Variants in CGNL1 observed in about 807,000 individuals in gnomAD.
The protein encoded by CGNL1 is cingulin like 1.
A neutral mutation model predicts 141.2 loss-of-function variants in CGNL1; 132 were observed. The ratio of observed to expected loss-of-function variants is 0.93; its 90% CI spans 0.81 to 1.08. The LOEUF (loss-of-function observed/expected upper bound fraction) is 1.08. Ranked by LOEUF, CGNL1 falls within the 50% of genes least tolerant of loss-of-function variation. The probability of loss-of-function intolerance (pLI) is 0.00; values close to 1 mark genes in which losing one functional copy is unlikely to be tolerated. For synonymous variants in CGNL1, 690 were observed against 622.1 expected (o/e 1.11, Z -1.63); for missense variants, 1,870 against 1,588.6 (o/e 1.18, Z -3.01).
chr15:57,408,463 A>G (rs1567098445), intron 1 of CGNL1, among the ~76,000 whole-genome samples: 1 of 152,168 alleles, frequency 6.6e-6, no homozygotes, highest in African/African-American at 2.4e-5. Flanking sequence ...TTAAGCCCCA[A>G]AGCAAAGTTT....
At chr15:57,541,257 C>T (rs2032548409) in intron 14 of CGNL1, among the ~76,000 whole-genome samples, 1 of 152,192 alleles carries the variant, frequency 6.6e-6, no homozygotes, top group Admixed American at 6.5e-5. Context: ...GGAAATTTAA[C>T]CATGTCCTCA....
intron 8 of CGNL1, among the ~76,000 whole-genome samples, chr15:57,489,465 A>T (rs1450446267): frequency 4.6e-5 from 7 of 152,216 alleles, no homozygotes; most frequent in Admixed American, 2.0e-4. Context: ...AACTTTATAT[A>T]GATAATATTT....
At chr15:57,445,034 G>A (rs932760942) in intron 4 of CGNL1, among the ~76,000 whole-genome samples, 4 of 152,174 alleles carry the variant, frequency 2.6e-5, no homozygotes, top group Non-Finnish European at 5.9e-5. Context: ...GGCTGTGGAG[G>A]GAGGGTTTCT....
chr15:57,516,779 G>A lies in CGNL1; in HGVS notation c.2404-1G>A, dbSNP rs1169853918. On this transcript the variant is annotated splice_acceptor_variant, in intron 8 of 18. Transcript: ENST00000281282. LOFTEE classifies it high-confidence loss of function. The stretch of plus-strand genomic sequence containing the variant: ...GTTCATTTGCTTTGTGTTTTTAACA[G>A]AATGTCGAGGTCTTGGCGAGCAGGA... 6.2e-7 allele frequency: 1 copy of A among 1,613,832 alleles called. No homozygotes were observed. The highest frequency in any genetic ancestry group is 8.5e-7 in the Non-Finnish European group (1 of 1,179,926).
At chr15:57,447,489 T>C (rs776569326) in intron 4 of CGNL1, among the ~76,000 whole-genome samples, 9 of 152,244 alleles carry the variant, frequency 5.9e-5, no homozygotes, top group Non-Finnish European at 1.2e-4. Context: ...CCAGCCATCA[T>C]TCTTAGTGTT....
intron 8 of CGNL1, among the ~76,000 whole-genome samples, chr15:57,462,470 T>C (rs1275732139): frequency 6.6e-6 from 1 of 152,224 alleles, no homozygotes; most frequent in Non-Finnish European, 1.5e-5. Flanking sequence ...TATGCTGAAG[T>C]CTTTTGGGGC....
At chr15:57,419,081 G>A (rs1014055698) in intron 1 of CGNL1, among the ~76,000 whole-genome samples, 11 of 152,096 alleles carry the variant, frequency 7.2e-5, no homozygotes, top group East Asian at 3.9e-4. Flanking sequence ...ACAGGCATGC[G>A]CCACCACGCC....
intron 17 of CGNL1, 54 bp from the exon 18 acceptor site, chr15:57,546,022 G>T: frequency 1.3e-6 from 2 of 1,574,252 alleles, no homozygotes; most frequent in Non-Finnish European, 1.7e-6. Context: ...GGTAAGCTGA[G>T]CGCTGGGGCT....
chr15:57,491,147 A>G (rs1250306073), intron 8 of CGNL1, among the ~76,000 whole-genome samples: 1 of 152,240 alleles, frequency 6.6e-6, no homozygotes, highest in African/African-American at 2.4e-5. Flanking sequence ...ATAATAGATC[A>G]GGATTAGTTC....
intron 8 of CGNL1, among the ~76,000 whole-genome samples, chr15:57,483,624 G>A (rs973603941): frequency 2.6e-5 from 4 of 151,868 alleles, no homozygotes; most frequent in South Asian, 2.1e-4. Flanking sequence ...GCCTTATTAC[G>A]CAGGCTAGAA....
At chr15:57,405,321 G>T (rs1029548933) in intron 1 of CGNL1, 2 of 152,272 alleles carry the variant, frequency 1.3e-5, no homozygotes, top group African/African-American at 4.8e-5. Flanking sequence ...GAGCGGGGCT[G>T]CTTTCTATCT....
chr15:57,412,304 T>G (rs75518865), intron 1 of CGNL1, among the ~76,000 whole-genome samples: 214 of 152,352 alleles, frequency 1.4e-3, no homozygotes, highest in African/African-American at 4.9e-3. Flanking sequence ...CAAGACCTTT[T>G]CTGTACAGAT....
intron 1 of CGNL1, among the ~76,000 whole-genome samples, chr15:57,435,477 AG>A (rs1392512655): frequency 1.6e-4 from 24 of 149,094 alleles, no homozygotes; most frequent in African/African-American, 5.9e-4. Flanking sequence ...TGAAGAATGT[AG>A]GTTTTCACTT....
intron 5 of CGNL1, 29 bp from the exon 6 acceptor site, chr15:57,452,112 C>G (rs749128628): frequency 6.2e-7 from 1 of 1,601,204 alleles, no homozygotes; most frequent in Non-Finnish European, 8.5e-7. Context: ...ACAGTGGAGG[C>G]TCTTTAAAAT....
chr15:57,429,332 C>G (rs2063016956), intron 1 of CGNL1, among the ~76,000 whole-genome samples: 1 of 152,150 alleles, frequency 6.6e-6, no homozygotes, highest in Non-Finnish European at 1.5e-5. Flanking sequence ...TATCATATGT[C>G]AGGGATGGCA....
intron 1 of CGNL1, among the ~76,000 whole-genome samples, chr15:57,405,743 T>C (rs1449815892): frequency 2.0e-3 from 2 of 1,006 alleles, no homozygotes; most frequent in Non-Finnish European, 0.016. Context: ...CTTTTCTTTC[T>C]TTTCCTTTTT....
At chr15:57,523,280 T>C (rs867669652) in intron 10 of CGNL1, among the ~76,000 whole-genome samples, 7 of 152,382 alleles carry the variant, frequency 4.6e-5, no homozygotes, top group South Asian at 2.1e-4. Context: ...TGGATGTTTT[T>C]GGGTAAGTCA....
At chr15:57,398,154 T>C (rs1386342085) in intron 1 of CGNL1, among the ~76,000 whole-genome samples, 1 of 152,236 alleles carries the variant, frequency 6.6e-6, no homozygotes, top group African/African-American at 2.4e-5. Context: ...TTGTAAAGCA[T>C]TTGGAAAATA....
In CGNL1 at chr15:57,439,025, A is replaced by G; in HGVS notation, c.1026A>G (p.Gly342=). The G allele has an allele frequency of 6.2e-7, 1 of 1,614,216 alleles. No individual in the cohort carries two copies. Among genetic ancestry groups the G allele is most frequent in the South Asian group, 1.1e-5 (1 of 91,082 alleles). The change falls in exon 2 of 19, where the codon GGA becomes GGG. Residue 342 remains glycine (G), a synonymous_variant. Transcript: ENST00000281282. ...RRYIPFLPGT[G]RDIDTGSIPG... is the part of the protein sequence containing the mutation. ...ATATTCCCTTCCTGCCAGGAACTGG[A>G]CGGGATATTGATACAGGATCAATTC...
Sources: gnomAD v4.1 joint callset for allele counts (sites outside exome capture counted in the v4.1 genomes callset) on GRCh38, gnomAD v4.1.1 for gene constraint, MANE v1.5 for transcripts, NCBI Gene and HGNC (gene_info 2026-07-23, HGNC 2026-07-21) for gene names.